RRP36: variants seen among roughly 807,000 people sequenced by gnomAD.
The protein encoded by RRP36 is ribosomal RNA processing 36.
A neutral mutation model predicts 39.8 loss-of-function variants in RRP36; 44 were observed. That is an observed-to-expected ratio of 1.10 (90% CI 0.87 to 1.42). RRP36 has a LOEUF of 1.42. Among genes scored for constraint, RRP36 ranks in the 40% most tolerant of loss-of-function variants. The pLI is 0.00. For missense variants in RRP36, 316 were observed against 322.4 expected (o/e 0.98, Z 0.15); for synonymous variants, 124 against 123.1 (o/e 1.01, Z -0.05).
At chr6:43,028,882 G>A (rs1762864504) in intron 6 of RRP36, among the ~76,000 whole-genome samples, 1 of 152,188 alleles carries the variant, frequency 6.6e-6, no homozygotes, top group East Asian at 1.9e-4. Flanking sequence ...GAATCTAGAA[G>A]ACGGAGGTTG....
chr6:43,029,285 A>G lies in RRP36; in HGVS notation c.*57A>G. 1.9e-6 allele frequency: 3 copies of G among 1,594,774 alleles called. No individual in the cohort carries two copies. Among genetic ancestry groups the G allele is most frequent in the Non-Finnish European group, 2.6e-6 (3 of 1,166,418 alleles). On this transcript the variant is annotated 3_prime_UTR_variant, in exon 7 of 7. Coordinates refer to ENST00000244496, the MANE Select transcript of RRP36 (RefSeq NM_033112.4). ...CAGGGAGACATGGATCTGTGAGGAC[A>G]GATTTGGCCACGGCTGGTTTCCGTT...
At chr6:43,022,940 C>T (rs1450377117) in intron 1 of RRP36, among the ~76,000 whole-genome samples, 2 of 152,026 alleles carry the variant, frequency 1.3e-5, no homozygotes, top group Non-Finnish European at 2.9e-5. Flanking sequence ...CAGGTCTCAT[C>T]ATGTTACCAG....
intron 3 of RRP36, 100 bp from the exon 4 acceptor site, chr6:43,025,937 A>AG (rs957846480): frequency 1.4e-5 from 12 of 868,166 alleles, no homozygotes; most frequent in Non-Finnish European, 2.0e-5. Context: ...TGTCTCAAAA[A>AG]GCAAAAAAAA....
At position 43,026,050 on chromosome 6, in the gene RRP36, C is replaced by T. The variant is rs140481362; in HGVS notation, c.359C>T (p.Pro120Leu). Reference protein sequence around the residue: ...VPISKKVARDPRFDDLSGEYN... With the variant: ...VPISKKVARDLRFDDLSGEYN... ...TTCTCTCCAAAGGTAGCCCGGGACC[C>T]TCGCTTTGATGATCTGTCAGGGGAA... The change falls in exon 4 of 7, where the codon CCT becomes CTT. Residue 120 changes from proline to leucine, a missense_variant. By Grantham distance (98) the Pro-to-Leu change is moderately conservative. Transcript: ENST00000244496. 2.1e-4 allele frequency: 333 copies of T among 1,612,970 alleles called. No individual in the cohort carries two copies. Among genetic ancestry groups the T allele is most frequent in the Non-Finnish European group, 2.6e-4 (312 of 1,179,174 alleles).
intron 1 of RRP36, 101 bp downstream of exon 1, chr6:43,021,885 A>G: frequency 1.1e-6 from 1 of 903,360 alleles, no homozygotes; most frequent in Middle Eastern, 4.2e-4. Flanking sequence ...AAGTTCTCTA[A>G]GAGGCAGACG....
At chr6:43,027,128 A>G in intron 4 of RRP36, 50 bp from the exon 5 acceptor site, 1 of 1,531,498 alleles carries the variant, frequency 6.5e-7, no homozygotes, top group Non-Finnish European at 9.0e-7. Flanking sequence ...ATAAAATTTC[A>G]GCTAACATTT....
In RRP36 at chr6:43,026,081, T is replaced by C; in HGVS notation, c.390T>C (p.Asn130=). 1 of 1,613,976 alleles carries C rather than the reference T, an allele frequency of 6.2e-7. No homozygotes were observed. Among genetic ancestry groups the C allele is most frequent in the African/African-American group, 1.3e-5 (1 of 75,022 alleles). Residue 130 remains asparagine (N), a synonymous_variant, in exon 4 of 7, where the codon AAT becomes AAC. Coordinates refer to ENST00000244496, the MANE Select transcript of RRP36 (RefSeq NM_033112.4). ...TTGATGATCTGTCAGGGGAATATAA[T>C]CCTGAGGTGTTTGACAAAACATACC... ...PRFDDLSGEY[N]PEVFDKTYQF... is the part of the protein sequence containing the mutation.
intron 6 of RRP36, among the ~76,000 whole-genome samples, chr6:43,028,823 C>T (rs549312650): frequency 2.8e-4 from 42 of 148,714 alleles, no homozygotes; most frequent in African/African-American, 9.4e-4. Flanking sequence ...TGTGGTGGTG[C>T]GCGCCTGTAA....
At chr6:43,024,532 C>G (rs1466881645) in intron 1 of RRP36, among the ~76,000 whole-genome samples, 1 of 152,094 alleles carries the variant, frequency 6.6e-6, no homozygotes, top group African/African-American at 2.4e-5. Flanking sequence ...CGATGCCTCT[C>G]TCAGGCTGAA....
At chr6:43,024,044 C>T (rs576554927) in intron 1 of RRP36, among the ~76,000 whole-genome samples, 24 of 151,970 alleles carry the variant, frequency 1.6e-4, no homozygotes, top group African/African-American at 4.6e-4. Flanking sequence ...TTTGTAGAGA[C>T]GGTTTCACCA....
rs191957907 is a variant in RRP36 at position 43,024,817 on chromosome 6, A to G, written c.131-168A>G. ...CAAGATGAGGCCCCAGGTTGCTGAA[A>G]TAGTTGGAGAGTTTAACACTATCAC... On this transcript the variant is annotated intron_variant, in intron 1 of 6. Coordinates refer to ENST00000244496, the MANE Select transcript of RRP36 (RefSeq NM_033112.4). Among the ~76,000 whole-genome samples the G allele has an allele frequency of 5.8e-4, 89 of 152,338 alleles. 1 individual carries two copies. The highest frequency in any genetic ancestry group is 2.5e-3 in the Admixed American group (39 of 15,300).
rs116077744 is a variant in RRP36 at position 43,023,226 on chromosome 6, G to A, written c.130+1442G>A. Among the ~76,000 whole-genome samples, 1,341 of 151,918 alleles carry A rather than the reference G, an allele frequency of 8.8e-3. 26 individuals are homozygous for A. Among genetic ancestry groups the A allele is most frequent in the African/African-American group, 0.031 (1,272 of 41,402 alleles). ...CAGCCTGGTAAACATAATGAGACCC[G>A]CTTTTCTACTAAAAATAAAAAAATT... On this transcript the variant is annotated intron_variant, in intron 1 of 6. Coordinates refer to ENST00000244496, the MANE Select transcript of RRP36 (RefSeq NM_033112.4).
chr6:43,023,969 G>A (rs935012346), intron 1 of RRP36, among the ~76,000 whole-genome samples: 2 of 150,848 alleles, frequency 1.3e-5, no homozygotes, highest in Non-Finnish European at 2.9e-5. Flanking sequence ...CTCTTCTCCC[G>A]CCTCAGCCTC....
intron 3 of RRP36, 79 bp downstream of exon 3, chr6:43,025,408 G>C (rs1001918158): frequency 1.6e-6 from 2 of 1,286,408 alleles, no homozygotes; most frequent in Non-Finnish European, 2.2e-6. Context: ...GATCACCTGA[G>C]ATCAGGAGTT....
Position 43,029,475 on chromosome 6 carries a change from T to C in RRP36, c.*247T>C. The C allele has an allele frequency of 2.6e-6, 1 of 390,686 alleles. No homozygotes were observed. Among genetic ancestry groups the C allele is most frequent in the Non-Finnish European group, 4.6e-6 (1 of 219,404 alleles). The allele number at this position is 390,686 out of a possible 1,614,324, so 24.2% of individuals were successfully genotyped here. On this transcript the variant is annotated 3_prime_UTR_variant, in exon 7 of 7. Coordinates refer to ENST00000244496, the MANE Select transcript of RRP36 (RefSeq NM_033112.4). ...GCGTCCTCGTGTTCTTCTCTCATCC[T>C]TGCCTTAAACCAGGGATTCTGATAC...
chr6:43,027,712 A>ACCCCCC (rs397973528), intron 6 of RRP36, among the ~76,000 whole-genome samples: 2 of 44,982 alleles, frequency 4.4e-5, no homozygotes, highest in African/African-American at 1.9e-4. Flanking sequence ...CCACTTCCCA[A>ACCCCCC]CCCCCCCCCC....
rs755012959 is a variant in RRP36, at chr6:43,029,204, A to G, written c.756A>G (p.Arg252=). The change falls in exon 7 of 7, where the codon AGA becomes AGG. Residue 252 remains arginine, a synonymous_variant. Transcript: ENST00000244496. ...KRRRNAGKDR[R]HLPLSKE ...GACGAAATGCAGGCAAGGACAGGAG[A>G]CATCTCCCTTTGAGCAAAGAGTAAT... 1 of 1,614,190 alleles carries G rather than the reference A, an allele frequency of 6.2e-7. No individual in the cohort carries two copies. Among genetic ancestry groups the G allele is most frequent in the Non-Finnish European group, 8.5e-7 (1 of 1,180,020 alleles).
Position 43,029,550 on chromosome 6 carries a change from G to T in RRP36, c.*322G>T. 4.0e-6 allele frequency: 1 copy of T among 248,098 alleles called. No homozygotes were observed. The highest frequency in any genetic ancestry group is 1.2e-4 in the South Asian group (1 of 8,444). 15.4% of individuals were successfully genotyped at this position (248,098 alleles called of 1,614,324 possible). On this transcript the variant is annotated 3_prime_UTR_variant, in exon 7 of 7. Coordinates refer to ENST00000244496, the MANE Select transcript of RRP36 (RefSeq NM_033112.4). ...CATGGAGTCTGTTCGTGACTCCCAG[G>T]GCTGGGACATTATGTAGGAGCCACT...
intron 6 of RRP36, 26 bp downstream of exon 6, chr6:43,027,503 C>A (rs758586321): frequency 2.5e-6 from 4 of 1,586,438 alleles, no homozygotes; most frequent in East Asian, 2.2e-5. Flanking sequence ...CTGTTGCTAA[C>A]AGGGACAGGG....
Sources: gnomAD v4.1 joint callset for allele counts (sites outside exome capture counted in the v4.1 genomes callset) on GRCh38, gnomAD v4.1.1 for gene constraint, MANE v1.5 for transcripts, NCBI Gene and HGNC (gene_info 2026-07-23, HGNC 2026-07-21) for gene names.